The following C1orf167 variants were observed in gnomAD, a reference collection of about 807,000 sequenced individuals.
C1orf167 encodes the protein chromosome 1 open reading frame 167.
In C1orf167, 153 loss-of-function variants were observed where a neutral mutation model predicts 176.5. The ratio of observed to expected loss-of-function variants is 0.87; its 90% confidence interval spans 0.76 to 0.99. The LOEUF (loss-of-function observed/expected upper bound fraction) is 0.99. Ranked by LOEUF, C1orf167 falls within the 50% of genes least tolerant of loss-of-function variation. The pLI is 0.00. For missense variants in C1orf167, 1,490 were observed against 1,817.7 expected (o/e 0.82, Z 3.28); for synonymous variants, 594 against 752.7 (o/e 0.79, Z 3.45).
rs1368967462 is a variant in C1orf167 at position 11,764,490 on chromosome 1, T to C, written c.70+20T>C. On this transcript the variant is annotated intron_variant, in intron 2 of 20. Transcript: ENST00000688073. Reference sequence around the variant, plus strand: ...AGCCAGGCAAGAGGCTTAGTGGGCCTGGATGGGCAGTTACAGGAGCAGGGC... The same window carrying C: ...AGCCAGGCAAGAGGCTTAGTGGGCCCGGATGGGCAGTTACAGGAGCAGGGC... The C allele has an allele frequency of 7.8e-7, 1 of 1,288,548 alleles. No individual in the cohort carries two copies. The highest frequency in any genetic ancestry group is 1.0e-6 in the Non-Finnish European group (1 of 988,122). 79.8% of individuals were successfully genotyped at this position (1,288,548 alleles called of 1,614,324 possible).
At position 11,768,229 on chromosome 1, in the gene C1orf167, C is replaced by T; in HGVS notation, c.1496C>T (p.Ala499Val). 1 of 1,289,912 alleles carries T rather than the reference C, an allele frequency of 7.8e-7. No homozygotes were observed. Among genetic ancestry groups the T allele is most frequent in the Non-Finnish European group, 1.0e-6 (1 of 988,868 alleles). The allele number at this position is 1,289,912 out of a possible 1,614,324, so 79.9% of individuals were successfully genotyped here. A position where few individuals can be genotyped will look rare whatever the true frequency, so the allele number is the denominator to read the frequency against. The change falls in exon 5 of 21, where the codon GCA becomes GTA. Residue 499 changes from alanine (A) to valine (V), a missense_variant. Transcript: ENST00000688073. This position sits in a 1 kb window ranked among gnomAD's most constrained non-coding sequence, Gnocchi z 4.5. ...CTCCGGGAGGCTCAGCTGGAGGCAGCATGGGGGCAGTACACAAAGGTTCTG... is the reference window on the plus strand; with the variant it reads ...CTCCGGGAGGCTCAGCTGGAGGCAGTATGGGGGCAGTACACAAAGGTTCTG... ...LWLREAQLEAAWGQYTKVLLV... is the reference protein window; with the variant it reads ...LWLREAQLEAVWGQYTKVLLV...
chr1:11,779,776 C>T (rs1266096997), intron 12 of C1orf167, 26 bp from the exon 13 acceptor site: 1 of 1,285,182 alleles, frequency 7.8e-7, no homozygotes, highest in African/African-American at 1.5e-5. Flanking sequence ...AGTGGCCATC[C>T]TCAGGGTGGA....
In C1orf167 at chr1:11,782,348, G is replaced by C. The variant is rs1236851412; in HGVS notation, c.3005+15G>C. The C allele has an allele frequency of 8.2e-7, 1 of 1,226,332 alleles. No individual in the cohort carries two copies. The highest frequency in any genetic ancestry group is 1.6e-5 in the African/African-American group (1 of 63,312). 76.0% of individuals were successfully genotyped at this position (1,226,332 alleles called of 1,614,324 possible). ...CTACTGCAGAGGTGGGTGGGCCTGG[G>C]GGTGGGAGGGTGTTGGTCCTCCCCA... is the stretch of plus-strand genomic sequence containing the variant. On this transcript the variant is annotated intron_variant, in intron 14 of 20. Transcript: ENST00000688073.
chr1:11,767,024 GGGA>G lies in C1orf167; in HGVS notation c.1246_1248del (p.Glu416del). The stretch of plus-strand genomic sequence containing the variant: ...GGGGCCCCGAGGGAGCGGGTCCACA[GGGA>G]GGAGGAGAGGACAGCTTTCCATCTG... On this transcript the variant is annotated inframe_deletion, in exon 3 of 21. Transcript: ENST00000688073. 8.2e-7 allele frequency: 1 copy of G among 1,219,182 alleles called. No individual in the cohort carries two copies. The highest frequency in any genetic ancestry group is 1.0e-6 in the Non-Finnish European group (1 of 953,422). The allele number at this position is 1,219,182 out of a possible 1,614,324, so 75.5% of individuals were successfully genotyped here.
In C1orf167 at chr1:11,784,273, C is replaced by T. The variant is rs10864543; in HGVS notation, c.3105C>T (p.Ala1035=). The change falls in exon 15 of 21, where the codon GCC becomes GCT. Residue 1035 remains alanine (A), a synonymous_variant. Coordinates refer to ENST00000688073, the MANE Select transcript of C1orf167 (RefSeq NM_001010881.2). The stretch of plus-strand genomic sequence containing the variant: ...GCCTGAGGAGAAGAGCACTGGGGGC[C>T]GTGTTTGCCACATGGCGGGAAGCCC... The part of the protein sequence containing the change: ...QDGLRRRALG[A]VFATWREAQE... 747,475 of 1,302,824 alleles carry T rather than the reference C, an allele frequency of 0.57. 222,236 individuals carry two copies. The highest frequency in any genetic ancestry group is 0.77 in the East Asian group (13,867 of 18,014). The allele number at this position is 1,302,824 out of a possible 1,614,324, so 80.7% of individuals were successfully genotyped here.
At chr1:11,763,011 G>C (rs1019854358) in intron 1 of C1orf167, among the ~76,000 whole-genome samples, 2 of 152,166 alleles carry the variant, frequency 1.3e-5, no homozygotes, top group Non-Finnish European at 2.9e-5. Context: ...AAGGCAGAGG[G>C]GACAGCAGCA....
At chr1:11,782,729 T>TG (rs1182336567) in intron 14 of C1orf167, among the ~76,000 whole-genome samples, 2 of 152,124 alleles carry the variant, frequency 1.3e-5, no homozygotes, top group Non-Finnish European at 2.9e-5. Flanking sequence ...GAGACCAGCC[T>TG]GGCCAACATG....
intron 2 of C1orf167, among the ~76,000 whole-genome samples, chr1:11,765,583 C>CA (rs35770710): frequency 0.66 from 100,059 of 151,620 alleles, 33,308 homozygotes; most frequent in East Asian, 0.75. Context: ...ACCCCGATCC[C>CA]ACCACCGTCA....
intron 14 of C1orf167, among the ~76,000 whole-genome samples, 167 bp from the exon 15 acceptor site, chr1:11,784,006 CA>C (rs1327160222): frequency 2.0e-5 from 3 of 152,066 alleles, no homozygotes; most frequent in Admixed American, 1.3e-4. Context: ...TACAGGTGCC[CA>C]CTACCAGGCC....
chr1:11,779,756 T>G, intron 12 of C1orf167, 46 bp from the exon 13 acceptor site: 2 of 1,249,264 alleles, frequency 1.6e-6, no homozygotes, highest in Non-Finnish European at 2.1e-6. Context: ...TGGCCTGGGA[T>G]TTGGGGGACA....
intron 8 of C1orf167, among the ~76,000 whole-genome samples, chr1:11,774,218 T>C (rs557084721): frequency 6.6e-6 from 1 of 151,552 alleles, no homozygotes; most frequent in East Asian, 1.9e-4. Flanking sequence ...TTTAAAAAAT[T>C]TTGGTAGAGA....
At chr1:11,779,658 C>T in intron 12 of C1orf167, 144 bp from the exon 13 acceptor site, 1 of 565,220 alleles carries the variant, frequency 1.8e-6, no homozygotes, top group Non-Finnish European at 2.8e-6. Flanking sequence ...CAGTCCCCAG[C>T]AACCCACCCT....
intron 20 of C1orf167, 168 bp from the exon 21 acceptor site, chr1:11,789,098 GATCT>G (rs1282346806): frequency 1.8e-5 from 10 of 547,352 alleles, no homozygotes; most frequent in Non-Finnish European, 2.6e-5. Context: ...CTCACCATCA[GATCT>G]ATTCTGAGCT....
intron 20 of C1orf167, 148 bp from the exon 21 acceptor site, chr1:11,789,122 G>T: frequency 3.0e-6 from 2 of 677,960 alleles, no homozygotes; most frequent in Non-Finnish European, 4.3e-6. Flanking sequence ...TTGTGCATTT[G>T]GCCTAGGCAA....
At chr1:11,762,602 AGGCCTT>A (rs1642565024) in intron 1 of C1orf167, among the ~76,000 whole-genome samples, 1 of 152,170 alleles carries the variant, frequency 6.6e-6, no homozygotes, top group Non-Finnish European at 1.5e-5. Context: ...GCTCCCTCTG[AGGCCTT>A]GGGTGGGACA....
At chr1:11,765,506 C>G (rs72856874) in intron 2 of C1orf167, among the ~76,000 whole-genome samples, 4,858 of 152,012 alleles carry the variant, frequency 0.032, 269 homozygotes, top group African/African-American at 0.11. Context: ...CCTTTATTAC[C>G]TGACTCTTCC....
rs187118073 is a variant in C1orf167 at position 11,763,238 on chromosome 1, G to A, written c.-71+933G>A. Among the ~76,000 whole-genome samples, 201 of 152,270 alleles carry A rather than the reference G, an allele frequency of 1.3e-3. 1 individual carries two copies. In the East Asian group the frequency reaches 0.023, roughly 17 times the overall value. On this transcript the variant is annotated intron_variant, in intron 1 of 20. Coordinates refer to ENST00000688073, the MANE Select transcript of C1orf167 (RefSeq NM_001010881.2). ...GCCAATCACCTGAGGTCAGGAGTTC[G>A]AGACCATCCTGGCCATCATGGTGAA...
chr1:11,789,235 A>C lies in C1orf167; in HGVS notation c.4174-35A>C, dbSNP rs866872136. ...ACAGCACAGACCCCGGAGAAAGCCC[A>C]CAACAATAGCATTTCCTCTCCTCCC... is the stretch of plus-strand genomic sequence containing the variant. On this transcript the variant is annotated intron_variant, in intron 20 of 20. Coordinates refer to ENST00000688073, the MANE Select transcript of C1orf167 (RefSeq NM_001010881.2). 52 of 1,300,300 alleles carry C rather than the reference A, an allele frequency of 4.0e-5. 1 individual carries two copies. The African/African-American group carries it at 5.0e-4, about 13-fold the overall frequency. 80.5% of individuals were successfully genotyped at this position (1,300,300 alleles called of 1,614,324 possible).
rs1273388064 is a variant in C1orf167 at position 11,784,497 on chromosome 1, C to A, written c.3329C>A (p.Ala1110Glu). Reference protein sequence around the residue: ...QQAGESAGAQAAQCWTWCWAL... With the variant: ...QQAGESAGAQEAQCWTWCWAL... ...GCAGGAGAGAGCGCTGGGGCCCAGGCAGCCCAGTGCTGGACTTGGTGCTGG... is the reference window on the plus strand; with the variant it reads ...GCAGGAGAGAGCGCTGGGGCCCAGGAAGCCCAGTGCTGGACTTGGTGCTGG... Residue 1110 changes from alanine to glutamate, a missense_variant, in exon 15 of 21, where the codon GCA becomes GAA. By Grantham distance (107) the Ala-to-Glu change is moderately radical. Transcript: ENST00000688073. 7.7e-7 allele frequency: 1 copy of A among 1,303,008 alleles called. No individual in the cohort carries two copies. The highest frequency in any genetic ancestry group is 1.0e-6 in the Non-Finnish European group (1 of 988,860). 80.7% of individuals were successfully genotyped at this position (1,303,008 alleles called of 1,614,324 possible).
Sources: allele counts gnomAD v4.1 joint callset (sites outside exome capture counted in the v4.1 genomes callset), GRCh38; gene constraint gnomAD v4.1.1; non-coding constraint Gnocchi (gnomAD v3.1); transcripts MANE v1.5; gene names NCBI Gene and HGNC (gene_info 2026-07-23, HGNC 2026-07-21).